AGPAT3: variants seen among roughly 807,000 people sequenced by gnomAD.
AGPAT3 encodes 1-acyl-sn-glycerol-3-phosphate acyltransferase gamma.
Under a neutral mutation model 47.3 loss-of-function variants are expected in AGPAT3, and 5 were observed. The observed-to-expected ratio is 0.11, with a 90% confidence interval of 0.06 to 0.22. AGPAT3 has a LOEUF of 0.22. Ranked by LOEUF, AGPAT3 falls within the 10% of genes least tolerant of loss-of-function variation. The pLI is 1.00. For missense variants in AGPAT3, 315 were observed against 493.0 expected, an observed-to-expected ratio of 0.64 and a Z score of 3.42; for synonymous variants, 212 against 208.3, an observed-to-expected ratio of 1.02 and a Z score of -0.15.
chr21:43,913,164 CAG>C (rs34371374), intron 2 of AGPAT3, among the ~76,000 whole-genome samples: 2,258 of 152,306 alleles, frequency 0.015, 57 homozygotes, highest in African/African-American at 0.052. Context: ...ATTCATGAAA[CAG>C]ATCCACATGG....
chr21:43,977,930 A>T, intron 7 of AGPAT3, 116 bp from the exon 8 acceptor site: 1 of 668,388 alleles, frequency 1.5e-6, no homozygotes. Flanking sequence ...GTGAGATGTG[A>T]CAGAAGGAGT....
At chr21:43,946,671 T>C (rs1438960429) in intron 2 of AGPAT3, among the ~76,000 whole-genome samples, 1 of 152,230 alleles carries the variant, frequency 6.6e-6, no homozygotes. Flanking sequence ...AATATCCATC[T>C]GTTTCTATAG....
chr21:43,921,950 C>T (rs559287365), intron 2 of AGPAT3, among the ~76,000 whole-genome samples: 8 of 152,230 alleles, frequency 5.3e-5, no homozygotes, highest in Admixed American at 3.9e-4. Flanking sequence ...CACAGCTCCC[C>T]GGGGGTCACC....
intron 1 of AGPAT3, among the ~76,000 whole-genome samples, chr21:43,878,341 G>A (rs992964232): frequency 1.3e-5 from 2 of 152,198 alleles, no homozygotes; most frequent in South Asian, 2.1e-4. Context: ...AATGCACAAC[G>A]GAGTCACGTC....
At chr21:43,957,569 C>CGGGTTTCCCCCTCCACACG in intron 2 of AGPAT3, among the ~76,000 whole-genome samples, 1 of 147,204 alleles carries the variant, frequency 6.8e-6, no homozygotes, top group African/African-American at 2.5e-5. Context: ...ACGGGGGTCT[C>CGGGTTTCCCCCTCCACACG]GGGTTTCCCC....
chr21:43,936,521 C>T (rs1176402767), intron 2 of AGPAT3, among the ~76,000 whole-genome samples: 1 of 152,274 alleles, frequency 6.6e-6, no homozygotes, highest in African/African-American at 2.4e-5. Context: ...ACAAGGATTT[C>T]TCCGGCAGAG....
At chr21:43,904,782 C>T (rs1320421968) in intron 2 of AGPAT3, among the ~76,000 whole-genome samples, 3 of 152,138 alleles carry the variant, frequency 2.0e-5, no homozygotes, top group Non-Finnish European at 4.4e-5. Flanking sequence ...TCTGGGTGGC[C>T]CTGGACCCTG....
At chr21:43,963,902 CAAATA>C (rs937226069) in intron 3 of AGPAT3, among the ~76,000 whole-genome samples, 19 of 151,648 alleles carry the variant, frequency 1.3e-4, no homozygotes, top group African/African-American at 4.6e-4. Context: ...TTCAAGAGTA[CAAATA>C]AAATAAAAAG....
At chr21:43,978,845 G>A (rs1166346766) in intron 8 of AGPAT3, among the ~76,000 whole-genome samples, 1 of 152,104 alleles carries the variant, frequency 6.6e-6, no homozygotes, top group Non-Finnish European at 1.5e-5. Context: ...TTCCCCCACG[G>A]CTTACTCAGC....
chr21:43,877,775 G>T (rs1257578520), intron 1 of AGPAT3, among the ~76,000 whole-genome samples: 2 of 152,270 alleles, frequency 1.3e-5, no homozygotes, highest in African/African-American at 4.8e-5. Context: ...TCTGGCTGAG[G>T]ATATCTTCCC....
rs1218445538 is a variant in AGPAT3, at chr21:43,981,628, C to T, written c.1042+441C>T. On this transcript the variant is annotated intron_variant, in intron 9 of 9. Transcript: ENST00000291572. The surrounding 1 kb of genome is among the most constrained non-coding windows in gnomAD (Gnocchi z 5.3). ...GCCCACCCCAGGCACAATGCCAGGC[C>T]CACCACGACTCATCAGCTAGCCTGG... is the stretch of plus-strand genomic sequence containing the variant. 6.6e-6 allele frequency among the ~76,000 whole-genome samples: 1 copy of T among 152,168 alleles called. No individual in the cohort carries two copies. Among genetic ancestry groups the T allele is most frequent in the African/African-American group, 2.4e-5 (1 of 41,444 alleles).
rs1035101150 is a variant in AGPAT3, at chr21:43,920,334, G to C, written c.-49+16315G>C. 6.6e-6 allele frequency among the ~76,000 whole-genome samples: 1 copy of C among 152,120 alleles called. No homozygotes were observed. Among genetic ancestry groups the C allele is most frequent in the Non-Finnish European group, 1.5e-5 (1 of 68,018 alleles). ...TTGAATGTGTGTGTGAGTGTGACTC[G>C]GCTGAGAGGAGACAGCGCAGCTGGG... On this transcript the variant is annotated intron_variant, in intron 2 of 9. Coordinates refer to ENST00000291572, the MANE Select transcript of AGPAT3 (RefSeq NM_020132.5). The surrounding 1 kb of genome is among the most constrained non-coding windows in gnomAD (Gnocchi z 6.1).
intron 2 of AGPAT3, among the ~76,000 whole-genome samples, chr21:43,913,764 G>C (rs2086674880): frequency 6.6e-6 from 1 of 152,142 alleles, no homozygotes; most frequent in East Asian, 1.9e-4. Flanking sequence ...GACCAGGGAG[G>C]CTGCTGAATC....
intron 1 of AGPAT3, among the ~76,000 whole-genome samples, chr21:43,895,492 C>A (rs1031464227): frequency 6.6e-6 from 1 of 150,476 alleles, no homozygotes; most frequent in Non-Finnish European, 1.5e-5. Context: ...CTGCGTCAGC[C>A]TATATGTAGT....
In AGPAT3 at chr21:43,970,838, C is replaced by A; in HGVS notation, c.664+32C>A. The A allele has an allele frequency of 6.8e-7, 1 of 1,480,384 alleles. No individual in the cohort carries two copies. The highest frequency in any genetic ancestry group is 9.0e-7 in the Non-Finnish European group (1 of 1,114,132). 91.7% of individuals were successfully genotyped at this position (1,480,384 alleles called of 1,614,324 possible). On this transcript the variant is annotated intron_variant, in intron 6 of 9. Transcript: ENST00000291572. The surrounding 1 kb of genome is among the most constrained non-coding windows in gnomAD (Gnocchi z 5.8). ...CCCAGACTGCCCGAGCCGGGGCCAC[C>A]GCTATGCTCACGGAAAATAGTGATT...
rs73226942 is a variant in AGPAT3 at position 43,936,917 on chromosome 21, C to G, written c.-48-22717C>G. 2.7e-3 allele frequency among the ~76,000 whole-genome samples: 414 copies of G among 152,354 alleles called. 2 individuals are homozygous for G. The highest frequency in any genetic ancestry group is 4.8e-3 in the South Asian group (23 of 4,830). ...TTAAAATCTTCAAGATGTGAACAAG[C>G]TTTTTTCCTCTTAAAAAAATGACAT... On this transcript the variant is annotated intron_variant, in intron 2 of 9. Coordinates refer to ENST00000291572, the MANE Select transcript of AGPAT3 (RefSeq NM_020132.5).
At position 43,914,422 on chromosome 21, in the gene AGPAT3, A is replaced by G. The variant is rs563708048; in HGVS notation, c.-49+10403A>G. ...ATTTGTAGAATTCACTTGTGAAATC[A>G]TCTGCCTTTGGTACTTTTGTTAGAG... On this transcript the variant is annotated intron_variant, in intron 2 of 9. Coordinates refer to ENST00000291572, the MANE Select transcript of AGPAT3 (RefSeq NM_020132.5). Among the ~76,000 whole-genome samples the G allele has an allele frequency of 3.9e-5, 6 of 152,352 alleles. No homozygotes were observed. The South Asian group carries it at 1.2e-3, about 32-fold the overall frequency.
At chr21:43,868,663 A>G (rs1044944277) in intron 1 of AGPAT3, among the ~76,000 whole-genome samples, 6 of 152,228 alleles carry the variant, frequency 3.9e-5, no homozygotes, top group African/African-American at 1.4e-4. Context: ...CCTGATTCTC[A>G]GCCAGGTGCT....
At chr21:43,914,780 G>T (rs902143721) in intron 2 of AGPAT3, among the ~76,000 whole-genome samples, 1 of 152,050 alleles carries the variant, frequency 6.6e-6, no homozygotes, top group African/African-American at 2.4e-5. Context: ...GGTCTCAAGT[G>T]ATCCTCACAG....
Sources: allele counts gnomAD v4.1 joint callset (sites outside exome capture counted in the v4.1 genomes callset), GRCh38; gene constraint gnomAD v4.1.1; non-coding constraint Gnocchi (gnomAD v3.1); transcripts MANE v1.5; gene names NCBI Gene and HGNC (gene_info 2026-07-23, HGNC 2026-07-21).